EML6: variants seen among roughly 807,000 people sequenced by gnomAD.
EML6 encodes EMAP like 6, also known as echinoderm microtubule-associated protein-like 6.
A neutral mutation model predicts 240.1 loss-of-function variants in EML6; 154 were observed. That is an observed-to-expected ratio of 0.64 (90% CI 0.56 to 0.73). The LOEUF (loss-of-function observed/expected upper bound fraction) is 0.73, where lower values mean the gene tolerates loss of function less well. Ranked by LOEUF, EML6 falls within the 30% of genes least tolerant of loss-of-function variation. The probability of loss-of-function intolerance (pLI) is 0.00; values close to 1 mark genes in which losing one functional copy is unlikely to be tolerated. For synonymous variants in EML6, 1,148 were observed against 899.0 expected (o/e 1.28, Z -4.95); for missense variants, 2,964 against 2,474.6 (o/e 1.20, Z -4.20).
chr2:54,955,538 C>T (rs953005906), intron 32 of EML6, among the ~76,000 whole-genome samples: 1 of 152,184 alleles, frequency 6.6e-6, no homozygotes, highest in Non-Finnish European at 1.5e-5. Flanking sequence ...TTCTTCTGTG[C>T]TGCTAACTGT....
chr2:54,796,503 C>CT (rs940698116), intron 2 of EML6, among the ~76,000 whole-genome samples: 48 of 145,042 alleles, frequency 3.3e-4, no homozygotes, highest in East Asian at 1.6e-3. Flanking sequence ...TTTTTTTTTT[C>CT]TTTTTTTTTG....
At chr2:54,965,611 G>C (rs1450935259) in intron 38 of EML6, among the ~76,000 whole-genome samples, 1 of 152,162 alleles carries the variant, frequency 6.6e-6, no homozygotes, top group Non-Finnish European at 1.5e-5. Flanking sequence ...AACCAGGAGT[G>C]CTAATTGGTC....
intron 25 of EML6, among the ~76,000 whole-genome samples, chr2:54,912,886 TTTTGGTAGAACAA>T (rs1404801822): frequency 1.3e-5 from 2 of 152,150 alleles, no homozygotes; most frequent in Admixed American, 6.5e-5. Context: ...ACATGTGTCT[TTTTGGTAGAACAA>T]TTCCTTTTCT....
At chr2:54,945,738 A>G (rs1675664884) in intron 28 of EML6, among the ~76,000 whole-genome samples, 1 of 152,198 alleles carries the variant, frequency 6.6e-6, no homozygotes, top group Admixed American at 6.5e-5. Flanking sequence ...GGGGGAAAGG[A>G]GGGACAAGTA....
At chr2:54,847,007 A>C (rs1224678919) in intron 8 of EML6, among the ~76,000 whole-genome samples, 1 of 147,378 alleles carries the variant, frequency 6.8e-6, no homozygotes, top group African/African-American at 2.5e-5. Context: ...TCCTGGGCTT[A>C]AGTGATCCTC....
At chr2:54,832,697 A>G (rs1240106683) in intron 7 of EML6, among the ~76,000 whole-genome samples, 1 of 151,810 alleles carries the variant, frequency 6.6e-6, no homozygotes, top group East Asian at 1.9e-4. Context: ...AAAGAGCAAA[A>G]GAAAGCAGAG....
At chr2:54,966,131 A>C (rs1558734729) in intron 38 of EML6, among the ~76,000 whole-genome samples, 1 of 152,204 alleles carries the variant, frequency 6.6e-6, no homozygotes. Flanking sequence ...AGCACTAAAC[A>C]GACAATCACA....
At chr2:54,778,683 T>A (rs554218759) in intron 2 of EML6, among the ~76,000 whole-genome samples, 56 of 151,810 alleles carry the variant, frequency 3.7e-4, no homozygotes, top group African/African-American at 1.3e-3. Context: ...GGTCAGGAGA[T>A]CGAGACCATC....
chr2:54,887,159 G>T (rs956678530), intron 17 of EML6, among the ~76,000 whole-genome samples: 1 of 152,174 alleles, frequency 6.6e-6, no homozygotes, highest in Admixed American at 6.5e-5. Flanking sequence ...ACTCAGCTCA[G>T]TTGGTGGGTT....
chr2:54,758,555 C>T (rs929815222), intron 2 of EML6, among the ~76,000 whole-genome samples: 4 of 152,184 alleles, frequency 2.6e-5, no homozygotes, highest in Non-Finnish European at 5.9e-5. Context: ...CCCCCATTCC[C>T]TGTATTGTCC....
intron 11 of EML6, among the ~76,000 whole-genome samples, chr2:54,856,607 G>T (rs1670395052): frequency 1.3e-5 from 2 of 152,186 alleles, no homozygotes; most frequent in Non-Finnish European, 2.9e-5. Flanking sequence ...ATATGTCATG[G>T]ATAAGCTTGA....
At position 54,902,668 on chromosome 2, in the gene EML6, G is replaced by C. The variant is rs535766819; in HGVS notation, c.3125-376G>C. 5.6e-4 allele frequency among the ~76,000 whole-genome samples: 86 copies of C among 152,292 alleles called. No homozygotes were observed. The Middle Eastern group carries it at 0.014, about 24-fold the overall frequency. ...CCTGCCTTGGCCTCCCAAGGTGCTG[G>C]GATTACAGGCATAAGCCACTGCACC... On this transcript the variant is annotated intron_variant, in intron 22 of 41. Coordinates refer to ENST00000356458, the MANE Select transcript of EML6 (RefSeq NM_001039753.4).
At chr2:54,870,974 G>C (rs574008830) in intron 15 of EML6, among the ~76,000 whole-genome samples, 2 of 152,288 alleles carry the variant, frequency 1.3e-5, no homozygotes, top group South Asian at 4.1e-4. Flanking sequence ...TTGGGGATTA[G>C]TGTGATAGAA....
At chr2:54,911,782 G>A (rs1439801570) in intron 25 of EML6, among the ~76,000 whole-genome samples, 1 of 152,146 alleles carries the variant, frequency 6.6e-6, no homozygotes, top group African/African-American at 2.4e-5. Flanking sequence ...TCTGACCATT[G>A]TATTGTATCA....
chr2:54,777,939 T>C (rs1668671450), intron 2 of EML6, among the ~76,000 whole-genome samples: 3 of 152,136 alleles, frequency 2.0e-5, no homozygotes, highest in Admixed American at 6.5e-5. Flanking sequence ...TATGAAAAAA[T>C]ACCACTGGTT....
chr2:54,743,777 G>A (rs756520574), intron 2 of EML6, among the ~76,000 whole-genome samples: 1 of 151,956 alleles, frequency 6.6e-6, no homozygotes. Context: ...TTGTATTATT[G>A]TGCTAACATT....
At chr2:54,896,495 A>G in intron 21 of EML6, among the ~76,000 whole-genome samples, 1 of 152,178 alleles carries the variant, frequency 6.6e-6, no homozygotes, top group East Asian at 1.9e-4. Context: ...AAGGATGGGG[A>G]TGTGGTAGGA....
chr2:54,792,995 G>C (rs1233887572), intron 2 of EML6, among the ~76,000 whole-genome samples: 1 of 152,172 alleles, frequency 6.6e-6, no homozygotes, highest in Admixed American at 6.5e-5. Flanking sequence ...AGGCTTGGTG[G>C]AGTGGCTCTC....
At chr2:54,808,185 G>A (rs1305238760) in intron 2 of EML6, among the ~76,000 whole-genome samples, 1 of 152,192 alleles carries the variant, frequency 6.6e-6, no homozygotes, top group Non-Finnish European at 1.5e-5. Flanking sequence ...TCTCTGTGGT[G>A]TCAAGATCAC....
Sources: gnomAD v4.1 joint callset for allele counts (sites outside exome capture counted in the v4.1 genomes callset) on GRCh38, gnomAD v4.1.1 for gene constraint, MANE v1.5 for transcripts, NCBI Gene and HGNC (gene_info 2026-07-23, HGNC 2026-07-21) for gene names.